The following RAPGEF6 variants were observed in gnomAD, a reference collection of about 807,000 sequenced individuals.
RAPGEF6 encodes PDZ domain containing guanine nucleotide exchange factor (GEF) 2.
In RAPGEF6, 56 loss-of-function variants were observed where a neutral mutation model predicts 171.4. The ratio of observed to expected loss-of-function variants is 0.33; its 90% CI spans 0.26 to 0.41. RAPGEF6 has a LOEUF of 0.41. Among genes scored for constraint, RAPGEF6 ranks in the 10% least tolerant of loss-of-function variants. The probability of loss-of-function intolerance (pLI) is 1.00; values close to 1 mark genes in which losing one functional copy is unlikely to be tolerated. For missense variants in RAPGEF6, 1,674 were observed against 1,921.4 expected (o/e 0.87, Z 2.41); for synonymous variants, 692 against 650.1 (o/e 1.06, Z -0.98).
In RAPGEF6 at chr5:131,433,301, G is replaced by A. The variant is rs1580816468; in HGVS notation, c.3974+129C>T. On this transcript the variant is annotated intron_variant, in intron 25 of 27. Coordinates refer to ENST00000509018, the MANE Select transcript of RAPGEF6 (RefSeq NM_016340.6). ...ATTCAGAATAGAGAATATGTGCTTG[G>A]CCCACATATTCTTTTATGGATAACT... 2.7e-5 allele frequency: 19 copies of A among 704,562 alleles called. No homozygotes were observed. The East Asian group carries it at 5.1e-4, about 19-fold the overall frequency. The allele number at this position is 704,562 out of a possible 1,614,324, so 43.6% of individuals were successfully genotyped here.
rs558829186 is a variant in RAPGEF6, at chr5:131,576,447, T to C, written c.282-14400A>G. On this transcript the variant is annotated intron_variant, in intron 4 of 27. Transcript: ENST00000509018. ...CACATCCTACATCACCATGCTGTTA[T>C]ATGGGCAGAAAGAGGTTTTCTCACC... Among the ~76,000 whole-genome samples the C allele has an allele frequency of 5.9e-5, 9 of 152,322 alleles. No individual in the cohort carries two copies. The South Asian group carries it at 1.2e-3, about 21-fold the overall frequency.
Position 131,521,555 on chromosome 5 carries a change from G to T in RAPGEF6, c.496-34C>A, listed in dbSNP as rs752932561. ...AAAAATAATTTAAGTTATTCTAAAT[G>T]TCAAGCTTTACCTTTTTAAGCGGTT... On this transcript the variant is annotated intron_variant, in intron 6 of 27. Coordinates refer to ENST00000509018, the MANE Select transcript of RAPGEF6 (RefSeq NM_016340.6). The T allele has an allele frequency of 2.5e-6, 4 of 1,577,336 alleles. No individual in the cohort carries two copies. The East Asian group carries it at 9.1e-5, about 36-fold the overall frequency.
At chr5:131,477,340 G>C (rs1322840493) in intron 16 of RAPGEF6, among the ~76,000 whole-genome samples, 1 of 152,184 alleles carries the variant, frequency 6.6e-6, no homozygotes, top group African/African-American at 2.4e-5. Context: ...GGAAGGGACA[G>C]ACAGGTTAAT....
At chr5:131,523,483 T>C (rs954063404) in intron 6 of RAPGEF6, among the ~76,000 whole-genome samples, 3 of 151,818 alleles carry the variant, frequency 2.0e-5, no homozygotes, top group African/African-American at 7.3e-5. Flanking sequence ...AACTAAAATA[T>C]ACAATTATGG....
chr5:131,441,482 G>A (rs140545424), intron 23 of RAPGEF6, among the ~76,000 whole-genome samples: 2 of 152,190 alleles, frequency 1.3e-5, no homozygotes, highest in South Asian at 2.1e-4. Flanking sequence ...TATCTTCTTC[G>A]TCACCAATCT....
chr5:131,440,855 T>C (rs929019131), intron 23 of RAPGEF6, among the ~76,000 whole-genome samples: 1 of 151,264 alleles, frequency 6.6e-6, no homozygotes, highest in Non-Finnish European at 1.5e-5. Context: ...CCTCTCTCAC[T>C]CCTACCAACA....
chr5:131,549,639 A>C (rs1760785292), intron 5 of RAPGEF6, among the ~76,000 whole-genome samples: 4 of 152,036 alleles, frequency 2.6e-5, no homozygotes, highest in Admixed American at 2.6e-4. Context: ...TGAGCCCAGG[A>C]GTTAACGTCC....
At chr5:131,618,406 G>C (rs1765403032) in intron 1 of RAPGEF6, among the ~76,000 whole-genome samples, 3 of 152,230 alleles carry the variant, frequency 2.0e-5, no homozygotes, top group Non-Finnish European at 1.5e-5. Flanking sequence ...CAAGGTGAGA[G>C]GATCACTTGA....
At chr5:131,594,720 A>C (rs1038318466) in intron 3 of RAPGEF6, among the ~76,000 whole-genome samples, 2 of 152,188 alleles carry the variant, frequency 1.3e-5, no homozygotes, top group African/African-American at 4.8e-5. Context: ...GGAGCCCACC[A>C]CTTGCCTCAG....
intron 6 of RAPGEF6, among the ~76,000 whole-genome samples, chr5:131,547,392 C>A (rs1760619024): frequency 6.6e-6 from 1 of 152,026 alleles, no homozygotes; most frequent in Non-Finnish European, 1.5e-5. Context: ...AACTATGAAA[C>A]CTCTCCCCTC....
Position 131,439,591 on chromosome 5 carries a change from G to T in RAPGEF6, c.3735C>A (p.Ser1245=). The T allele has an allele frequency of 1.2e-6, 2 of 1,610,282 alleles. No individual in the cohort carries two copies. Among genetic ancestry groups the T allele is most frequent in the Non-Finnish European group, 1.7e-6 (2 of 1,177,958 alleles). ...AATGTTTTGTCTTACCTTTGTGAGGGGAGCCTTGAGGAGATGCAGGAGGAC... is the reference window on the plus strand; with the variant it reads ...AATGTTTTGTCTTACCTTTGTGAGGTGAGCCTTGAGGAGATGCAGGAGGAC... ...HSSPPASPQG[S]PHKGYTLIPS... is the part of the protein sequence containing the mutation. The change falls in exon 24 of 28, where the codon TCC becomes TCA. Residue 1245 remains serine, a synonymous_variant. Transcript: ENST00000509018.
At chr5:131,596,397 T>C (rs1182615530) in intron 3 of RAPGEF6, among the ~76,000 whole-genome samples, 2 of 150,480 alleles carry the variant, frequency 1.3e-5, no homozygotes, top group African/African-American at 4.9e-5. Flanking sequence ...TTACAGTATA[T>C]ATTAACACAC....
At chr5:131,533,214 C>CA (rs1554079741) in intron 6 of RAPGEF6, among the ~76,000 whole-genome samples, 2 of 120,296 alleles carry the variant, frequency 1.7e-5, no homozygotes, top group African/African-American at 3.1e-5. Flanking sequence ...ACACACACAC[C>CA]CCATCCTCCT....
At chr5:131,430,144 C>T (rs1751609878) in intron 26 of RAPGEF6, among the ~76,000 whole-genome samples, 1 of 151,814 alleles carries the variant, frequency 6.6e-6, no homozygotes, top group Non-Finnish European at 1.5e-5. Context: ...CACATTTCAC[C>T]TTCACATTTT....
chr5:131,595,478 G>A (rs1376275519), intron 3 of RAPGEF6, among the ~76,000 whole-genome samples: 1 of 152,124 alleles, frequency 6.6e-6, no homozygotes, highest in Non-Finnish European at 1.5e-5. Context: ...GTAATACAGA[G>A]ACCAAAGTTA....
At position 131,528,313 on chromosome 5, in the gene RAPGEF6, T is replaced by TATTATATATATA. The variant is rs1251388931; in HGVS notation, c.496-6793_496-6792insTATATATATAAT. Among the ~76,000 whole-genome samples, 327 of 48,792 alleles carry TATTATATATATA rather than the reference T, an allele frequency of 6.7e-3. 13 individuals carry two copies. Among genetic ancestry groups the TATTATATATATA allele is most frequent in the Middle Eastern group, 0.031 (3 of 98 alleles). The allele number at this position is 48,792 out of a possible 152,430, so 32.0% of individuals were successfully genotyped here. A position where few individuals can be genotyped will look rare whatever the true frequency, so the allele number is the denominator to read the frequency against. ...AATAAAATAAAATAATATATTTATA[T>TATTATATATATA]TATATATATATATATATATATATAT... On this transcript the variant is annotated intron_variant, in intron 6 of 27. Transcript: ENST00000509018.
chr5:131,532,267 T>C, intron 6 of RAPGEF6: 1 of 281,434 alleles, frequency 3.6e-6, no homozygotes. Context: ...GCAGTGTTTA[T>C]ATAAAGGCAG....
intron 21 of RAPGEF6, among the ~76,000 whole-genome samples, chr5:131,449,455 G>C (rs2149819697): frequency 6.6e-6 from 1 of 152,196 alleles, no homozygotes; most frequent in South Asian, 2.1e-4. Context: ...CCTCTTTTTA[G>C]AAAACTGATG....
At chr5:131,514,046 C>T (rs1326071013) in intron 7 of RAPGEF6, among the ~76,000 whole-genome samples, 1 of 151,938 alleles carries the variant, frequency 6.6e-6, no homozygotes, top group Non-Finnish European at 1.5e-5. Flanking sequence ...AAACCAAAAC[C>T]CCCCAAAAAC....
Sources: gnomAD v4.1 joint callset for allele counts (sites outside exome capture counted in the v4.1 genomes callset) on GRCh38, gnomAD v4.1.1 for gene constraint, MANE v1.5 for transcripts, NCBI Gene and HGNC (gene_info 2026-07-23, HGNC 2026-07-21) for gene names.